The following DMD variants were observed in gnomAD, a reference collection of about 807,000 sequenced individuals.
The protein encoded by DMD is dystrophin.
DMD carries 63 observed loss-of-function variants against 330.1 expected under a neutral mutation model. The observed-to-expected ratio is 0.19, with a 90% CI of 0.16 to 0.24. The LOEUF (loss-of-function observed/expected upper bound fraction) is 0.24. Ranked by LOEUF, DMD falls within the 10% of genes least tolerant of loss-of-function variation. The pLI, the probability that DMD is intolerant of heterozygous loss-of-function variation, is 1.00. For missense variants in DMD, 3,344 were observed against 2,684.1 expected (o/e 1.25, Z -5.43); for synonymous variants, 1,223 against 959.8 (o/e 1.27, Z -5.07).
chrX:33,022,530 TTTC>T (rs2093932685), intron 1 of DMD, among the ~76,000 whole-genome samples: 1 of 110,629 alleles, frequency 9.0e-6, no homozygotes, highest in Non-Finnish European at 1.9e-5. Context: ...TAGCATATAT[TTTC>T]TTCAACATAA....
chrX:31,642,345 A>C (rs2079818334), intron 54 of DMD, among the ~76,000 whole-genome samples: 1 of 112,299 alleles, frequency 8.9e-6, no homozygotes, highest in African/African-American at 3.2e-5. Context: ...AAACTGAAAT[A>C]GAAATCCTTT....
chrX:31,145,116 C>A (rs2036532619), intron 76 of DMD, among the ~76,000 whole-genome samples: 2 of 112,122 alleles, frequency 1.8e-5, no homozygotes, highest in Admixed American at 1.9e-4. Context: ...AAATTGTCTT[C>A]ACTTTCCTTA....
At chrX:32,310,489 A>T (rs1040611450) in intron 41 of DMD, among the ~76,000 whole-genome samples, 2 of 111,509 alleles carry the variant, frequency 1.8e-5, no homozygotes, top group Non-Finnish European at 3.8e-5. Flanking sequence ...AGCATTTCAT[A>T]ATAAGTGACA....
At chrX:32,781,185 G>A (rs1603412151) in intron 7 of DMD, among the ~76,000 whole-genome samples, 1 of 108,355 alleles carries the variant, frequency 9.2e-6, no homozygotes, top group South Asian at 4.0e-4. Flanking sequence ...AATAATAAAG[G>A]TCCCAGCACA....
intron 44 of DMD, among the ~76,000 whole-genome samples, chrX:32,133,472 C>T (rs998593488): frequency 4.5e-5 from 5 of 111,669 alleles, no homozygotes; most frequent in African/African-American, 9.8e-5. Context: ...GAAATTTAAA[C>T]GTCCAACCTG....
intron 55 of DMD, among the ~76,000 whole-genome samples, chrX:31,571,770 C>T (rs976813918): frequency 9.0e-6 from 1 of 111,496 alleles, no homozygotes; most frequent in Non-Finnish European, 1.9e-5. Flanking sequence ...TGAGCAGCAT[C>T]CCTGGCCTCT....
At chrX:32,340,863 C>T (rs952384026) in intron 41 of DMD, among the ~76,000 whole-genome samples, 1 of 111,741 alleles carries the variant, frequency 8.9e-6, no homozygotes, top group African/African-American at 3.2e-5. Flanking sequence ...AATTAGACTT[C>T]ACATGCAATA....
chrX:31,814,835 G>A (rs990222253), intron 50 of DMD, among the ~76,000 whole-genome samples: 7 of 112,034 alleles, frequency 6.2e-5, no homozygotes, highest in African/African-American at 2.3e-4. Flanking sequence ...AGTCTCTAGA[G>A]GAACTTATGG....
At chrX:31,419,807 C>G (rs928020692) in intron 60 of DMD, among the ~76,000 whole-genome samples, 1 of 111,942 alleles carries the variant, frequency 8.9e-6, no homozygotes, top group Non-Finnish European at 1.9e-5. Context: ...AGTAGGTCAT[C>G]CAACATGTTC....
chrX:32,414,548 G>A (rs2098158944), intron 29 of DMD, among the ~76,000 whole-genome samples: 1 of 111,900 alleles, frequency 8.9e-6, no homozygotes, highest in Non-Finnish European at 1.9e-5. Flanking sequence ...AAGGATTACG[G>A]CTGTCCTGTT....
chrX:31,214,066 C>G (rs1471036099), intron 64 of DMD, among the ~76,000 whole-genome samples: 2 of 6,550 alleles, frequency 3.1e-4, no homozygotes, highest in African/African-American at 6.7e-4. Context: ...AATCCAAAAG[C>G]TAATGTTAAG....
chrX:32,440,010 T>C (rs1436213494), intron 28 of DMD, among the ~76,000 whole-genome samples: 2 of 111,277 alleles, frequency 1.8e-5, no homozygotes, highest in Non-Finnish European at 3.8e-5. Context: ...TTAACATTCC[T>C]TTGTGAACAT....
intron 2 of DMD, among the ~76,000 whole-genome samples, chrX:32,914,139 T>TC (rs1240376654): frequency 9.0e-6 from 1 of 111,069 alleles, no homozygotes; most frequent in African/African-American, 3.3e-5. Context: ...GGATGCTTAG[T>TC]CCCCCCATCA....
At chrX:31,663,269 C>T (rs891331195) in intron 53 of DMD, among the ~76,000 whole-genome samples, 8 of 111,489 alleles carry the variant, frequency 7.2e-5, no homozygotes, top group Non-Finnish European at 1.5e-4. Flanking sequence ...TGAATTAGCA[C>T]CCGATGGTTC....
At chrX:32,777,282 G>GGGGA (rs1557019952) in intron 7 of DMD, among the ~76,000 whole-genome samples, 1 of 54,132 alleles carries the variant, frequency 1.8e-5, no homozygotes, top group African/African-American at 6.4e-5. Flanking sequence ...CTGGTTGGGG[G>GGGGA]GGGAATCCTA....
rs2097841961 is a variant in DMD, at chrX:32,362,870, T to C, written c.5243A>G (p.His1748Arg). 1 of 1,211,030 alleles carries C rather than the reference T, an allele frequency of 8.3e-7. No homozygotes were observed. The highest frequency in any genetic ancestry group is 2.2e-5 in the Admixed American group (1 of 45,912). Residue 1748 changes from histidine to arginine, a missense_variant, in exon 37 of 79, where the codon CAC (histidine) becomes CGC (arginine). Coordinates refer to ENST00000357033, the MANE Select transcript of DMD (RefSeq NM_004006.3). ...TTGGGGCTCTACTAATTTCCTGCAGTGGTCACCGCGGTTTGCCATCAAGTT... is the reference window on the plus strand; with the variant it reads ...TTGGGGCTCTACTAATTTCCTGCAGCGGTCACCGCGGTTTGCCATCAAGTT... ...AANLMANRGDHCRKLVEPQIS... is the reference protein window; with the variant it reads ...AANLMANRGDRCRKLVEPQIS...
At chrX:33,080,589 G>C (rs1036845120) in intron 1 of DMD, among the ~76,000 whole-genome samples, 3 of 111,497 alleles carry the variant, frequency 2.7e-5, no homozygotes, top group Non-Finnish European at 5.6e-5. Flanking sequence ...ATATGCTAGG[G>C]ATGGAGCCTA....
chrX:31,754,829 T>C (rs1463967498), intron 51 of DMD, among the ~76,000 whole-genome samples: 4 of 111,497 alleles, frequency 3.6e-5, no homozygotes, highest in African/African-American at 1.3e-4. Flanking sequence ...TCACTCATGA[T>C]TGAATTGACA....
chrX:31,836,182 T>G (rs987004482), intron 49 of DMD, among the ~76,000 whole-genome samples: 1 of 112,146 alleles, frequency 8.9e-6, no homozygotes, highest in African/African-American at 3.2e-5. Flanking sequence ...CCAGGCCAGC[T>G]TTTTGCCAAA....
Sources: allele counts gnomAD v4.1 joint callset (sites outside exome capture counted in the v4.1 genomes callset), GRCh38; gene constraint gnomAD v4.1.1; transcripts MANE v1.5; gene names NCBI Gene and HGNC (gene_info 2026-07-23, HGNC 2026-07-21).